LGALS8: variants seen among roughly 807,000 people sequenced by gnomAD.
LGALS8 encodes galectin 8, also known as galectin-8.
Under a neutral mutation model 35.9 loss-of-function variants are expected in LGALS8, and 30 were observed. The observed-to-expected ratio is 0.83, with a 90% CI of 0.62 to 1.13. The LOEUF (loss-of-function observed/expected upper bound fraction) is 1.13. Among genes scored for constraint, LGALS8 ranks in the 50% most tolerant of loss-of-function variants. The pLI is 0.00. For synonymous variants in LGALS8, 138 were observed against 136.1 expected (o/e 1.01, Z -0.10); for missense variants, 366 against 388.7 (o/e 0.94, Z 0.49).
At position 236,543,030 on chromosome 1, in the gene LGALS8, A is replaced by G. The variant is rs1447220902; in HGVS notation, c.549+243A>G. On this transcript the variant is annotated intron_variant, in intron 7 of 9. Coordinates refer to ENST00000366584, the MANE Select transcript of LGALS8 (RefSeq NM_201544.4). ...TGCACCAAAATACCACCTATGAACT[A>G]TGTGTCAAAGGTTTGAAGAGCACCA... is the stretch of plus-strand genomic sequence containing the variant. 2 of 1,614,014 alleles carry G rather than the reference A, an allele frequency of 1.2e-6. No homozygotes were observed. The highest frequency in any genetic ancestry group is 1.7e-6 in the Non-Finnish European group (2 of 1,179,978).
chr1:236,544,368 A>G (rs182402799), intron 8 of LGALS8, among the ~76,000 whole-genome samples: 1 of 150,910 alleles, frequency 6.6e-6, no homozygotes, highest in East Asian at 2.0e-4. Context: ...TTTCCTAGAA[A>G]GTGGCATACT....
intron 6 of LGALS8, chr1:236,542,260 T>A (rs1253925620): frequency 1.2e-5 from 2 of 171,310 alleles, no homozygotes; most frequent in Admixed American, 1.1e-4. Flanking sequence ...GTGGGGGGAT[T>A]GCTTGAGCCT....
In LGALS8 at chr1:236,526,281, T is replaced by A. The variant is rs1660812855; in HGVS notation, c.45+166T>A. ...GGTGCTGATTACAAAACAGCTCTTG[T>A]CCTCTAGTGGAGGAAGAAGTCACAA... is the stretch of plus-strand genomic sequence containing the variant. On this transcript the variant is annotated intron_variant, in intron 2 of 9. Coordinates refer to ENST00000366584, the MANE Select transcript of LGALS8 (RefSeq NM_201544.4). The surrounding 1 kb of genome is among the most constrained non-coding windows in gnomAD (Gnocchi z 4.6). The A allele has an allele frequency of 8.1e-6, 4 of 494,552 alleles. No individual in the cohort carries two copies. The highest frequency in any genetic ancestry group is 5.2e-4 in the Middle Eastern group (1 of 1,934). The allele number at this position is 494,552 out of a possible 1,614,324, so 30.6% of individuals were successfully genotyped here.
At chr1:236,521,867 C>G (rs927485379), upstream of LGALS8, among the ~76,000 whole-genome samples, 4 of 150,966 alleles carry the variant, frequency 2.6e-5, no homozygotes, top group African/African-American at 9.8e-5. Context: ...AAGGGATTAA[C>G]ATGATCTGAA....
At chr1:236,523,855 C>A (rs1171333193), upstream of LGALS8, 1 of 347,338 alleles carries the variant, frequency 2.9e-6, no homozygotes, top group Non-Finnish European at 5.7e-6. Context: ...CCCAGCAGAG[C>A]CGCCAGGGAC....
chr1:236,528,182 A>G (rs1322307625), intron 2 of LGALS8, among the ~76,000 whole-genome samples: 1 of 152,084 alleles, frequency 6.6e-6, no homozygotes, highest in African/African-American at 2.4e-5. Flanking sequence ...GGAGTTCAAG[A>G]CCAGCCTGGC....
At chr1:236,542,491 TCATATAG>T (rs2103100322) in intron 6 of LGALS8, 1 of 512,266 alleles carries the variant, frequency 2.0e-6, no homozygotes, top group East Asian at 3.4e-5. Context: ...TAAAAAAATT[TCATATAG>T]TTCTATGAAA....
chr1:236,536,139 G>A (rs758177458), intron 2 of LGALS8: 6 of 152,352 alleles, frequency 3.9e-5, no homozygotes, highest in Non-Finnish European at 8.8e-5. Flanking sequence ...GCCTCAAGGC[G>A]ATTTCGGTTT....
Position 236,548,249 on chromosome 1 carries a change from T to C in LGALS8, c.*88T>C, listed in dbSNP as rs1005307733. 3 of 1,165,308 alleles carry C rather than the reference T, an allele frequency of 2.6e-6. No individual in the cohort carries two copies. Among genetic ancestry groups the C allele is most frequent in the Non-Finnish European group, 3.7e-6 (3 of 814,830 alleles). 72.2% of individuals were successfully genotyped at this position (1,165,308 alleles called of 1,614,324 possible). A position where few individuals can be genotyped will look rare whatever the true frequency, so the allele number is the denominator to read the frequency against. On this transcript the variant is annotated 3_prime_UTR_variant, in exon 10 of 10. Transcript: ENST00000366584. ...TGAAACGCATCTCACTGTCATTCTA[T>C]TGTTTATATTGTTAAAATGAGCTTG...
chr1:236,551,034 C>A lies in LGALS8; in HGVS notation c.*2873C>A. The A allele has an allele frequency of 6.9e-7, 1 of 1,447,314 alleles. No individual in the cohort carries two copies. Among genetic ancestry groups the A allele is most frequent in the Non-Finnish European group, 9.4e-7 (1 of 1,064,184 alleles). The allele number at this position is 1,447,314 out of a possible 1,614,324, so 89.7% of individuals were successfully genotyped here. ...AATCAAAATTAAAATCTGAGTCAGT[C>A]CGCCTGCCTCGGTTCTCATTAGTTT... On this transcript the variant is annotated 3_prime_UTR_variant, in exon 10 of 10. Coordinates refer to ENST00000366584, the MANE Select transcript of LGALS8 (RefSeq NM_201544.4).
chr1:236,549,081 CAG>C lies in LGALS8; in HGVS notation c.*922_*923del. On this transcript the variant is annotated 3_prime_UTR_variant, in exon 10 of 10. Coordinates refer to ENST00000366584, the MANE Select transcript of LGALS8 (RefSeq NM_201544.4). ...CAGGCATTCATAAGGCAGGCACTAT[CAG>C]AAAGTGTACGCCAACTAAGGGACCC... 2.5e-6 allele frequency: 1 copy of C among 398,288 alleles called. No individual in the cohort carries two copies. The highest frequency in any genetic ancestry group is 4.4e-6 in the Non-Finnish European group (1 of 225,904). 24.7% of individuals were successfully genotyped at this position (398,288 alleles called of 1,614,324 possible).
At position 236,550,161 on chromosome 1, in the gene LGALS8, A is replaced by T. The variant is rs1558172542; in HGVS notation, c.*2000A>T. On this transcript the variant is annotated 3_prime_UTR_variant, in exon 10 of 10. Coordinates refer to ENST00000366584, the MANE Select transcript of LGALS8 (RefSeq NM_201544.4). ...TTACTTTCTTAGACAAGTAGTTCTTAGTTAACCACCAATGGAACTGGGTTC... is the reference window on the plus strand; with the variant it reads ...TTACTTTCTTAGACAAGTAGTTCTTTGTTAACCACCAATGGAACTGGGTTC... 6.6e-6 allele frequency: 1 copy of T among 152,244 alleles called. No homozygotes were observed. Among genetic ancestry groups the T allele is most frequent in the Non-Finnish European group, 1.5e-5 (1 of 68,036 alleles). 9.4% of individuals were successfully genotyped at this position (152,244 alleles called of 1,614,324 possible). A position where few individuals can be genotyped will look rare whatever the true frequency, so the allele number is the denominator to read the frequency against.
chr1:236,546,259 A>G (rs1409045431), intron 9 of LGALS8, among the ~76,000 whole-genome samples: 1 of 152,156 alleles, frequency 6.6e-6, no homozygotes, highest in African/African-American at 2.4e-5. Context: ...CTTTTGAACA[A>G]TCGTCTTTTC....
intron 7 of LGALS8, 123 bp from the exon 8 acceptor site, chr1:236,543,437 T>C (rs779009337): frequency 2.5e-6 from 2 of 789,158 alleles, no homozygotes; most frequent in Non-Finnish European, 4.4e-6. Flanking sequence ...GCAGACTGTC[T>C]CTCCCCTCCT....
Position 236,551,219 on chromosome 1 carries a change from C to G in LGALS8, c.*3058C>G, listed in dbSNP as rs1361815889. 20 of 499,290 alleles carry G rather than the reference C, an allele frequency of 4.0e-5. No homozygotes were observed. Among genetic ancestry groups the G allele is most frequent in the Admixed American group, 3.0e-4 (8 of 26,276 alleles). 30.9% of individuals were successfully genotyped at this position (499,290 alleles called of 1,614,324 possible). ...TTGCACTGGAAGCTGAATAAGAATC[C>G]CCAAAACTCAAACTTCCTAGGGATG... On this transcript the variant is annotated 3_prime_UTR_variant, in exon 10 of 10. Coordinates refer to ENST00000366584, the MANE Select transcript of LGALS8 (RefSeq NM_201544.4).
At chr1:236,541,617 T>C in intron 5 of LGALS8, 37 bp from the exon 6 acceptor site, 1 of 1,074,744 alleles carries the variant, frequency 9.3e-7, no homozygotes, top group Non-Finnish European at 1.4e-6. Flanking sequence ...TATTTTCTAC[T>C]GGATGTTACA....
Position 236,538,098 on chromosome 1 carries a change from AG to A in LGALS8, c.134+514del, listed in dbSNP as rs1293137731. Reference sequence around the variant, plus strand: ...ATAGCCTGGGTGACAAAAAAAAAAAAGAAAAAGAAAAAGAATTAGGTATGTC... The same window carrying A: ...ATAGCCTGGGTGACAAAAAAAAAAAAAAAAAGAAAAAGAATTAGGTATGTC... On this transcript the variant is annotated intron_variant, in intron 3 of 9. Transcript: ENST00000366584. 2.4e-4 allele frequency among the ~76,000 whole-genome samples: 34 copies of A among 144,462 alleles called. 1 individual carries two copies. The highest frequency in any genetic ancestry group is 3.4e-3 in the Middle Eastern group (1 of 290). The allele number at this position is 144,462 out of a possible 152,430, so 94.8% of individuals were successfully genotyped here. A position where few individuals can be genotyped will look rare whatever the true frequency, so the allele number is the denominator to read the frequency against.
Position 236,548,034 on chromosome 1 carries a change from G to T in LGALS8, c.827G>T (p.Arg276Ile). 6.2e-7 allele frequency: 1 copy of T among 1,611,528 alleles called. No homozygotes were observed. Among genetic ancestry groups the T allele is most frequent in the Non-Finnish European group, 8.5e-7 (1 of 1,177,690 alleles). ...CAGATGATAATTTATTGTGATGTTA[G>T]AGAATTCAAGGTTGCAGTAAATGGC... ...YFEMIIYCDV[R>I]EFKVAVNGVH... is the part of the protein sequence containing the mutation. Residue 276 changes from arginine (R) to isoleucine (I), a missense_variant, in exon 10 of 10, where the codon AGA (arginine) becomes ATA (isoleucine). Arg to Ile is a moderately conservative substitution (Grantham distance 97, BLOSUM62 -3). Transcript: ENST00000366584.
chr1:236,542,206 T>G (rs1662045976), intron 6 of LGALS8: 1 of 166,656 alleles, frequency 6.0e-6, no homozygotes, highest in Non-Finnish European at 1.3e-5. Context: ...TAGTGCTGGG[T>G]GAAGGTGGTG....
Sources: gnomAD v4.1 joint callset for allele counts (sites outside exome capture counted in the v4.1 genomes callset) on GRCh38, gnomAD v4.1.1 for gene constraint, Gnocchi (gnomAD v3.1) non-coding constraint, MANE v1.5 for transcripts, NCBI Gene and HGNC (gene_info 2026-07-23, HGNC 2026-07-21) for gene names.